Variants in TG observed in about 807,000 individuals in gnomAD.
The protein encoded by TG is thyroid hormones.
A neutral mutation model predicts 324.7 loss-of-function variants in TG; 270 were observed. The observed-to-expected ratio is 0.83, with a 90% CI of 0.75 to 0.92. The LOEUF is 0.92. TG is among the 40% of genes least tolerant of loss of function. The pLI is 0.00. For synonymous variants in TG, 1,401 were observed against 1,327.0 expected (o/e 1.06, Z -1.21); for missense variants, 3,591 against 3,456.4 (o/e 1.04, Z -0.98).
intron 16 of TG, among the ~76,000 whole-genome samples, chr8:132,903,789 C>T (rs934911765): frequency 2.6e-5 from 4 of 152,172 alleles, no homozygotes; most frequent in Admixed American, 6.5e-5. Flanking sequence ...CACTCACTTG[C>T]CAGGTGACCT....
At chr8:133,031,187 T>C (rs887456417) in intron 41 of TG, among the ~76,000 whole-genome samples, 4 of 152,220 alleles carry the variant, frequency 2.6e-5, no homozygotes, top group Non-Finnish European at 5.9e-5. Context: ...TTGCCTGTTG[T>C]AGGTGCCTCA....
At chr8:132,997,188 G>A (rs1470733226) in intron 35 of TG, among the ~76,000 whole-genome samples, 2 of 152,190 alleles carry the variant, frequency 1.3e-5, no homozygotes, top group Admixed American at 1.3e-4. Context: ...CAAGACTTAA[G>A]GTTTTGAGTT....
At chr8:132,933,876 G>A (rs1257312997) in intron 24 of TG, among the ~76,000 whole-genome samples, 200 bp downstream of exon 24, 2 of 152,154 alleles carry the variant, frequency 1.3e-5, no homozygotes, top group East Asian at 3.9e-4. Flanking sequence ...AGATGAAGCT[G>A]GAGTAAGGGG....
At chr8:132,983,671 C>T (rs1831181154) in intron 35 of TG, 4 of 564,094 alleles carry the variant, frequency 7.1e-6, no homozygotes, top group South Asian at 6.1e-5. Context: ...AGACCTAAGT[C>T]GCGTTCTCCC....
chr8:133,106,379 G>A (rs1036032151), intron 43 of TG: 4 of 985,064 alleles, frequency 4.1e-6, no homozygotes, highest in Admixed American at 6.1e-5. Context: ...CACCCAGCCT[G>A]GCCTGCTCTG....
intron 13 of TG, 31 bp downstream of exon 13, chr8:132,898,277 AC>A: frequency 1.3e-6 from 2 of 1,560,022 alleles, no homozygotes; most frequent in Non-Finnish European, 1.7e-6. Context: ...TCTCCTCCTG[AC>A]CCCCCTTGGT....
At chr8:133,114,025 A>G (rs1425445241) in intron 44 of TG, among the ~76,000 whole-genome samples, 2 of 152,198 alleles carry the variant, frequency 1.3e-5, no homozygotes, top group East Asian at 1.9e-4. Context: ...CATCAGGCAC[A>G]CGTGAGCGCA....
chr8:133,108,083 C>G (rs57785233), intron 43 of TG, among the ~76,000 whole-genome samples: 44,334 of 150,074 alleles, frequency 0.3, 6,890 homozygotes, highest in African/African-American at 0.38. Context: ...CCAGTTTCAC[C>G]CCATTCTCCT....
chr8:133,036,526 C>T (rs144662074), intron 41 of TG, among the ~76,000 whole-genome samples: 3 of 152,274 alleles, frequency 2.0e-5, no homozygotes, highest in East Asian at 1.9e-4. Context: ...CTTCAAGTTT[C>T]GTAAGACACC....
At chr8:133,004,838 G>T (rs1833883116) in intron 35 of TG, among the ~76,000 whole-genome samples, 1 of 152,176 alleles carries the variant, frequency 6.6e-6, no homozygotes, top group Non-Finnish European at 1.5e-5. Flanking sequence ...AGAATGGCCT[G>T]AGTGGGCTGA....
chr8:133,037,710 A>G (rs923211735), intron 41 of TG: 1 of 152,032 alleles, frequency 6.6e-6, no homozygotes, highest in Non-Finnish European at 1.5e-5. Context: ...CAATAAATGA[A>G]TACTTGATGC....
intron 40 of TG, among the ~76,000 whole-genome samples, chr8:133,027,611 G>C (rs1362001970): frequency 6.6e-6 from 1 of 152,230 alleles, no homozygotes; most frequent in African/African-American, 2.4e-5. Context: ...GAAGAAGTTT[G>C]CACTTGATGC....
chr8:133,064,933 C>T (rs537208082), intron 41 of TG, among the ~76,000 whole-genome samples: 5 of 152,216 alleles, frequency 3.3e-5, no homozygotes, highest in African/African-American at 1.2e-4. Context: ...TGAGGAAGTC[C>T]AACCAAGGGA....
intron 35 of TG, among the ~76,000 whole-genome samples, chr8:132,990,872 T>G (rs922896172): frequency 8.6e-5 from 13 of 150,990 alleles, no homozygotes; most frequent in African/African-American, 3.2e-4. Context: ...TGCTCCAGTT[T>G]CCCGGGAATC....
In TG at chr8:133,113,427, T is replaced by A. The variant is rs12114109; in HGVS notation, c.7578T>A (p.Phe2526Leu). Residue 2526 changes from phenylalanine (F) to leucine (L), a missense_variant, in exon 44 of 48, where the codon TTT becomes TTA. Phe to Leu is a conservative substitution (Grantham distance 22). Coordinates refer to ENST00000220616, the MANE Select transcript of TG (RefSeq NM_003235.5). ...GTATCTTTTTTTTTTTCTAGCAATT[T>A]GAGGAAAGTCGAGGCCGGACCAGTA... Reference protein sequence around the residue: ...LINRAKAVKQFEESRGRTSSK... With the variant: ...LINRAKAVKQLEESRGRTSSK... 6.6e-3 allele frequency: 10,721 copies of A among 1,613,786 alleles called. 615 individuals are homozygous for A. In the African/African-American group the frequency reaches 0.13, roughly 19 times the overall value.
chr8:133,056,869 A>G (rs989517515), intron 41 of TG, among the ~76,000 whole-genome samples: 1 of 152,200 alleles, frequency 6.6e-6, no homozygotes, highest in African/African-American at 2.4e-5. Flanking sequence ...TGCAAGCTTT[A>G]GGGGTTACAG....
Position 132,971,864 on chromosome 8 carries a change from C to T in TG, c.6046C>T (p.Gln2016Ter). The stretch of plus-strand genomic sequence containing the variant: ...TGGCTTTGGATTTCTAAATGTTTCC[C>T]AGTTAAAAGGTAATAATGGTAACAA... ...CTGFGFLNVSQLKGGEVTCLT... is the reference protein window; with the variant it reads ...CTGFGFLNVS Residue 2016 changes from glutamine (Q) to a stop codon, truncating the protein, a stop_gained, in exon 33 of 48, where the codon CAG (glutamine) becomes TAG (stop). Transcript: ENST00000220616. LOFTEE classifies it high-confidence loss of function. The T allele has an allele frequency of 6.2e-7, 1 of 1,611,250 alleles. No homozygotes were observed. Among genetic ancestry groups the T allele is most frequent in the African/African-American group, 1.3e-5 (1 of 74,948 alleles).
rs774197276 is a variant in TG, at chr8:132,908,219, G to T, written c.3881G>T (p.Gly1294Val). 6.2e-7 allele frequency: 1 copy of T among 1,613,986 alleles called. No individual in the cohort carries two copies. The highest frequency in any genetic ancestry group is 1.1e-5 in the South Asian group (1 of 91,074). The stretch of plus-strand genomic sequence containing the variant: ...CTGTGGCAGACCATCCAGACCCAAG[G>T]GCACTTTCAGCTCCAGCTCCCGCCG... ...PQLWQTIQTQ[G>V]HFQLQLPPGK... Residue 1294 changes from glycine (G) to valine (V), a missense_variant, in exon 18 of 48, where the codon GGG (glycine) becomes GTG (valine). By Grantham distance (109) the Gly-to-Val change is moderately radical (BLOSUM62 -3). Coordinates refer to ENST00000220616, the MANE Select transcript of TG (RefSeq NM_003235.5).
At chr8:133,130,709 C>T (rs1401960510) in intron 45 of TG, among the ~76,000 whole-genome samples, 5 of 152,158 alleles carry the variant, frequency 3.3e-5, no homozygotes, top group African/African-American at 1.2e-4. Context: ...AAGATCGATC[C>T]TGGATTTCTG....
Sources: allele counts gnomAD v4.1 joint callset (sites outside exome capture counted in the v4.1 genomes callset), GRCh38; gene constraint gnomAD v4.1.1; transcripts MANE v1.5; gene names NCBI Gene and HGNC (gene_info 2026-07-23, HGNC 2026-07-21).